The following NUP153 variants were observed in gnomAD, a reference collection of about 807,000 sequenced individuals.
NUP153 encodes nuclear pore complex protein Nup153.
Under a neutral mutation model 134.6 loss-of-function variants are expected in NUP153, and 27 were observed. The observed-to-expected ratio is 0.20, with a 90% CI of 0.15 to 0.28. The LOEUF is 0.28. Ranked by LOEUF, NUP153 falls within the 10% of genes least tolerant of loss-of-function variation. The pLI is 1.00. For synonymous variants in NUP153, 640 were observed against 623.5 expected, an observed-to-expected ratio of 1.03 and a Z score of -0.40; for missense variants, 1,821 against 1,731.3, an observed-to-expected ratio of 1.05 and a Z score of -0.92.
At chr6:17,632,570 G>A (rs1452167192) in intron 17 of NUP153, 80 bp downstream of exon 17, 30 of 1,037,646 alleles carry the variant, frequency 2.9e-5, no homozygotes, top group Non-Finnish European at 3.9e-5. Context: ...CACTGAAGCT[G>A]TTCTCAAATA....
chr6:17,674,772 C>T lies in NUP153; in HGVS notation c.852+133G>A, dbSNP rs912698437. The stretch of plus-strand genomic sequence containing the variant: ...GGGCGACAGAGCCAAGACTCCATCT[C>T]GAAAAAATATAAATAAAAGAAAAAT... On this transcript the variant is annotated intron_variant, in intron 5 of 21. Transcript: ENST00000262077. The T allele has an allele frequency of 1.7e-5, 14 of 808,758 alleles. No homozygotes were observed. In the East Asian group the frequency reaches 1.7e-4, roughly 10 times the overall value. The allele number at this position is 808,758 out of a possible 1,614,324, so 50.1% of individuals were successfully genotyped here. A position where few individuals can be genotyped will look rare whatever the true frequency, so the allele number is the denominator to read the frequency against.
intron 2 of NUP153, among the ~76,000 whole-genome samples, chr6:17,687,813 G>T (rs925988045): frequency 1.3e-5 from 2 of 152,122 alleles, no homozygotes; most frequent in Admixed American, 6.6e-5. Flanking sequence ...TTTAAAACAC[G>T]TGCTTTAAAG....
At chr6:17,619,069 T>C (rs571807861) in intron 20 of NUP153, among the ~76,000 whole-genome samples, 10 of 152,074 alleles carry the variant, frequency 6.6e-5, no homozygotes, top group African/African-American at 2.4e-4. Flanking sequence ...TCAAGACACA[T>C]CCTGATGTAT....
chr6:17,676,538 T>C (rs926217622), intron 2 of NUP153, among the ~76,000 whole-genome samples: 33 of 152,272 alleles, frequency 2.2e-4, no homozygotes, highest in Admixed American at 1.4e-3. Context: ...CAGAGGCATT[T>C]TCAAAAACTT....
At chr6:17,702,680 AAAAG>A (rs1280025157) in intron 1 of NUP153, among the ~76,000 whole-genome samples, 22 of 152,148 alleles carry the variant, frequency 1.4e-4, no homozygotes, top group Non-Finnish European at 2.9e-4. Context: ...CCGTCTCAAA[AAAAG>A]AAAGGAGAAA....
intron 1 of NUP153, among the ~76,000 whole-genome samples, chr6:17,691,738 T>C (rs2113854452): frequency 6.6e-6 from 1 of 152,024 alleles, no homozygotes; most frequent in Non-Finnish European, 1.5e-5. Flanking sequence ...ACAGCGAGAC[T>C]CCAGCTCAGA....
chr6:17,685,940 T>A (rs148791647), intron 2 of NUP153, among the ~76,000 whole-genome samples: 3 of 151,964 alleles, frequency 2.0e-5, no homozygotes, highest in Non-Finnish European at 4.4e-5. Context: ...TTGAGGCCAG[T>A]TGAAGCCCAG....
intron 1 of NUP153, among the ~76,000 whole-genome samples, chr6:17,697,448 G>A (rs1769726017): frequency 6.6e-6 from 1 of 152,222 alleles, no homozygotes; most frequent in Non-Finnish European, 1.5e-5. Flanking sequence ...CACTTTGGGA[G>A]GCTGAGGCAG....
At chr6:17,671,991 G>C (rs1018835342) in intron 5 of NUP153, among the ~76,000 whole-genome samples, 1 of 152,038 alleles carries the variant, frequency 6.6e-6, no homozygotes, top group Non-Finnish European at 1.5e-5. Context: ...TTGGGCAACA[G>C]AGCAAGATCC....
intron 5 of NUP153, among the ~76,000 whole-genome samples, chr6:17,671,273 T>A (rs530211904): frequency 6.6e-6 from 1 of 152,338 alleles, no homozygotes; most frequent in African/African-American, 2.4e-5. Context: ...TGTCTTCTAA[T>A]GTCTTTGTCT....
chr6:17,685,990 T>TA (rs1005175118), intron 2 of NUP153, among the ~76,000 whole-genome samples: 1 of 151,740 alleles, frequency 6.6e-6, no homozygotes, highest in Admixed American at 6.6e-5. Context: ...ACAAAAAAAT[T>TA]AAAAAAAATT....
rs369461823 is a variant in NUP153 at position 17,628,621 on chromosome 6, AT to A, written c.3544+33del. The A allele has an allele frequency of 2.6e-3, 2,053 of 779,206 alleles. No homozygotes were observed. Among genetic ancestry groups the A allele is most frequent in the Non-Finnish European group, 3.0e-3 (1,825 of 612,160 alleles). The allele number at this position is 779,206 out of a possible 1,614,324, so 48.3% of individuals were successfully genotyped here. On this transcript the variant is annotated intron_variant, in intron 18 of 21. Transcript: ENST00000262077. This position sits in a 1 kb window ranked among gnomAD's most constrained non-coding sequence, Gnocchi z 5.4. ...AAAACGACAACTTGTAAAAAAAAAAATAATAATAATAATAATAAAAAGTTAA... is the reference window on the plus strand; with the variant it reads ...AAAACGACAACTTGTAAAAAAAAAAAAATAATAATAATAATAAAAAGTTAA...
chr6:17,649,779 A>C (rs1766410119), intron 11 of NUP153, among the ~76,000 whole-genome samples: 1 of 152,168 alleles, frequency 6.6e-6, no homozygotes, highest in Non-Finnish European at 1.5e-5. Flanking sequence ...TTAATCTCTG[A>C]CTGTGCCTAC....
rs750372737 is a variant in NUP153 at position 17,625,930 on chromosome 6, A to G, written c.3779T>C (p.Leu1260Pro). The G allele has an allele frequency of 3.9e-5, 63 of 1,614,086 alleles. No individual in the cohort carries two copies. The highest frequency in any genetic ancestry group is 4.9e-5 in the Non-Finnish European group (58 of 1,180,028). ...QSLLFSQDSK[L>P]ATTSSTGTAV... ...TGTACCTGTGCTGGATGTGGTTGCT[A>G]GTTTGCTATCTTGAGAAAATAGCAA... The change falls in exon 19 of 22, where the codon CTA becomes CCA. Residue 1260 changes from leucine (L) to proline (P), a missense_variant. Physicochemically the swap from Leu to Pro is moderately conservative, Grantham distance 98. Transcript: ENST00000262077. This position sits in a 1 kb window ranked among gnomAD's most constrained non-coding sequence, Gnocchi z 4.7.
intron 11 of NUP153, among the ~76,000 whole-genome samples, chr6:17,654,574 C>G (rs1766698021): frequency 6.6e-6 from 1 of 152,114 alleles, no homozygotes; most frequent in African/African-American, 2.4e-5. Flanking sequence ...CCCACCTCGG[C>G]CTCCGAAAGT....
chr6:17,636,785 G>C (rs1241725827), intron 16 of NUP153, among the ~76,000 whole-genome samples: 1 of 152,096 alleles, frequency 6.6e-6, no homozygotes, highest in Non-Finnish European at 1.5e-5. Context: ...CCCTGTAAAT[G>C]ACCACTAGCT....
chr6:17,625,885 A>G lies in NUP153; in HGVS notation c.3824T>C (p.Phe1275Ser), dbSNP rs960603598. ...STGTAVTPFV[F>S]GPGASSNNTT... Reference sequence around the variant, plus strand: ...ATTATTACTGCTGGCTCCTGGACCAAAGACAAATGGGGTGACAGCTGTACC... The same window carrying G: ...ATTATTACTGCTGGCTCCTGGACCAGAGACAAATGGGGTGACAGCTGTACC... Residue 1275 changes from phenylalanine to serine, a missense_variant, in exon 19 of 22, where the codon TTT becomes TCT. By Grantham distance (155) the Phe-to-Ser change is radical. Coordinates refer to ENST00000262077, the MANE Select transcript of NUP153 (RefSeq NM_005124.4). The surrounding 1 kb of genome is among the most constrained non-coding windows in gnomAD (Gnocchi z 4.7). The G allele has an allele frequency of 1.9e-6, 3 of 1,614,188 alleles. No individual in the cohort carries two copies. Among genetic ancestry groups the G allele is most frequent in the Non-Finnish European group, 2.5e-6 (3 of 1,180,032 alleles).
chr6:17,626,175 G>A lies in NUP153; in HGVS notation c.3545-11C>T. On this transcript the variant is annotated splice_polypyrimidine_tract_variant and intron_variant, in intron 18 of 21. Coordinates refer to ENST00000262077, the MANE Select transcript of NUP153 (RefSeq NM_005124.4). Reference sequence around the variant, plus strand: ...TTGCTGCACCTTGATCTGTAAGACAGAAATTAAGAAACAAACATAAATCCT... The same window carrying A: ...TTGCTGCACCTTGATCTGTAAGACAAAAATTAAGAAACAAACATAAATCCT... 6.3e-7 allele frequency: 1 copy of A among 1,583,450 alleles called. No homozygotes were observed. Among genetic ancestry groups the A allele is most frequent in the South Asian group, 1.1e-5 (1 of 89,480 alleles).
intron 17 of NUP153, 119 bp downstream of exon 17, chr6:17,632,531 A>G: frequency 1.5e-6 from 1 of 678,852 alleles, no homozygotes; most frequent in Non-Finnish European, 2.4e-6. Context: ...ATCTCATTTT[A>G]TATTAATTTT....
Sources: allele counts gnomAD v4.1 joint callset (sites outside exome capture counted in the v4.1 genomes callset), GRCh38; gene constraint gnomAD v4.1.1; non-coding constraint Gnocchi (gnomAD v3.1); transcripts MANE v1.5; gene names NCBI Gene and HGNC (gene_info 2026-07-23, HGNC 2026-07-21).